SEMA4B: variants seen among roughly 807,000 people sequenced by gnomAD.
SEMA4B encodes the protein semaphorin 4B, also known as semaphorin-4B.
A neutral mutation model predicts 88.1 loss-of-function variants in SEMA4B; 55 were observed. The observed-to-expected ratio is 0.62, with a 90% CI of 0.50 to 0.78. The LOEUF is 0.78. SEMA4B is among the 30% of genes least tolerant of loss of function. The probability of loss-of-function intolerance (pLI) is 0.00; values close to 1 mark genes in which losing one functional copy is unlikely to be tolerated. For synonymous variants in SEMA4B, 525 were observed against 473.6 expected (o/e 1.11, Z -1.41); for missense variants, 1,062 against 1,111.9 (o/e 0.96, Z 0.64).
chr15:90,225,436 G>C, intron 11 of SEMA4B, 39 bp downstream of exon 11: 1 of 1,525,432 alleles, frequency 6.6e-7, no homozygotes, highest in Non-Finnish European at 8.9e-7. Flanking sequence ...GGGTACTTGG[G>C]GGGTGCCCTC....
At chr15:90,205,230 A>G (rs1436951070) in intron 1 of SEMA4B, among the ~76,000 whole-genome samples, 1 of 152,278 alleles carries the variant, frequency 6.6e-6, no homozygotes, top group Non-Finnish European at 1.5e-5. Flanking sequence ...ATTTGGCACA[A>G]ATCAGCTGCT....
intron 7 of SEMA4B, 98 bp from the exon 8 acceptor site, chr15:90,223,461 T>C (rs1961968251): frequency 1.8e-6 from 2 of 1,113,820 alleles, no homozygotes; most frequent in South Asian, 1.8e-5. Flanking sequence ...CCTTCAGTCC[T>C]GGTGTCTGGG....
intron 1 of SEMA4B, among the ~76,000 whole-genome samples, chr15:90,216,839 G>A (rs576259094): frequency 3.0e-4 from 45 of 149,502 alleles, no homozygotes; most frequent in South Asian, 1.1e-3. Context: ...GCGAGACTTC[G>A]TCTCAAAAAA....
Position 90,227,900 on chromosome 15 carries a change from A to G in SEMA4B, c.1775-4A>G. ...CCCCTACCCCATGCCTTTTCTGCCT[A>G]CAGGGGAGAAGCCATGTGAGCAAGT... On this transcript the variant is annotated splice_polypyrimidine_tract_variant and splice_region_variant and intron_variant, in intron 13 of 13. Transcript: ENST00000411539. 6.2e-7 allele frequency: 1 copy of G among 1,610,482 alleles called. No homozygotes were observed. The highest frequency in any genetic ancestry group is 1.1e-5 in the South Asian group (1 of 91,034).
intron 1 of SEMA4B, among the ~76,000 whole-genome samples, chr15:90,191,549 T>C (rs536302505): frequency 6.6e-6 from 1 of 152,160 alleles, no homozygotes; most frequent in Non-Finnish European, 1.5e-5. Flanking sequence ...CCGTCCTAGA[T>C]GAAGAAGCTG....
chr15:90,196,643 C>T (rs1274370839), upstream of SEMA4B, among the ~76,000 whole-genome samples: 5 of 151,982 alleles, frequency 3.3e-5, no homozygotes, highest in East Asian at 3.9e-4. Context: ...CGTGCCACCA[C>T]GCCCAGCTAA....
chr15:90,188,466 A>G (rs954892778), intron 1 of SEMA4B, among the ~76,000 whole-genome samples: 1 of 151,630 alleles, frequency 6.6e-6, no homozygotes, highest in Non-Finnish European at 1.5e-5. Flanking sequence ...TGTCTCTACT[A>G]AAAATACAAA....
intron 4 of SEMA4B, among the ~76,000 whole-genome samples, chr15:90,220,703 G>T (rs1218446195): frequency 6.6e-6 from 1 of 150,720 alleles, no homozygotes; most frequent in African/African-American, 2.4e-5. Flanking sequence ...CACCTCCTCC[G>T]CCAGGTGGGT....
chr15:90,185,557 C>T (rs911822097), intron 1 of SEMA4B, among the ~76,000 whole-genome samples: 2 of 152,150 alleles, frequency 1.3e-5, no homozygotes, highest in Non-Finnish European at 2.9e-5. Flanking sequence ...GCTGCAGTTG[C>T]GGCTACTCGG....
intron 1 of SEMA4B, chr15:90,215,009 G>T: frequency 7.9e-7 from 1 of 1,261,150 alleles, no homozygotes; most frequent in Non-Finnish European, 1.0e-6. Flanking sequence ...GATTGGGCGT[G>T]TTGCACTTTT....
rs376492694 is a variant in SEMA4B, at chr15:90,225,320, C to A, written c.1444C>A (p.Arg482=). ...CCACAAGGCAGTGAGCGTGGGCCCC[C>A]GGGTGCACATCATTGAGGAGCTGCA... ...RLHKAVSVGP[R]VHIIEELQIF... Residue 482 remains arginine (R), a synonymous_variant, in exon 11 of 14, where the codon CGG becomes AGG. Transcript: ENST00000411539. 1.9e-6 allele frequency: 3 copies of A among 1,558,958 alleles called. No homozygotes were observed. The highest frequency in any genetic ancestry group is 1.2e-5 in the South Asian group (1 of 84,644).
intron 1 of SEMA4B, among the ~76,000 whole-genome samples, chr15:90,187,770 G>A (rs542146110): frequency 6.6e-6 from 1 of 152,282 alleles, no homozygotes; most frequent in East Asian, 1.9e-4. Context: ...ATTTTGGGAG[G>A]CCGAGGCAGG....
chr15:90,221,895 C>A, intron 7 of SEMA4B, 130 bp downstream of exon 7: 2 of 742,766 alleles, frequency 2.7e-6, no homozygotes, highest in Non-Finnish European at 4.2e-6. Flanking sequence ...CAGCTTTTCT[C>A]TCTCACCTTT....
At chr15:90,217,201 A>G (rs1278567406) in intron 1 of SEMA4B, 3 of 410,456 alleles carry the variant, frequency 7.3e-6, no homozygotes, top group African/African-American at 6.2e-5. Context: ...ATTAATGTGA[A>G]GGGTGCCGTA....
rs557899782 is a variant in SEMA4B at position 90,217,449 on chromosome 15, G to A, written c.168G>A (p.Glu56=). The A allele has an allele frequency of 2.5e-6, 4 of 1,613,354 alleles. No homozygotes were observed. The highest frequency in any genetic ancestry group is 1.7e-4 in the Middle Eastern group (1 of 6,060). Residue 56 remains glutamate, a synonymous_variant, in exon 2 of 14, where the codon GAG becomes GAA. Coordinates refer to ENST00000411539, the MANE Select transcript of SEMA4B (RefSeq NM_198925.4). ...PRISLPLGSE[E]RPFLRFEAEH... ...TCTTCCTCTCCCCAGGCTCTGAAGAGCGGCCATTCCTCAGATTCGAAGCTG... is the reference window on the plus strand; with the variant it reads ...TCTTCCTCTCCCCAGGCTCTGAAGAACGGCCATTCCTCAGATTCGAAGCTG...
intron 1 of SEMA4B, among the ~76,000 whole-genome samples, chr15:90,204,112 G>T (rs2151596626): frequency 6.6e-6 from 1 of 152,302 alleles, no homozygotes; most frequent in South Asian, 2.1e-4. Flanking sequence ...CATCCCAGGG[G>T]GCTCATTAGA....
intron 7 of SEMA4B, among the ~76,000 whole-genome samples, chr15:90,222,664 G>C (rs765072909): frequency 6.6e-6 from 1 of 152,094 alleles, no homozygotes; most frequent in African/African-American, 2.4e-5. Context: ...AGACCCTGGA[G>C]GCCAACTGCC....
rs979245478 is a variant in SEMA4B at position 90,212,815 on chromosome 15, C to G, written c.158-4624C>G. Among the ~76,000 whole-genome samples, 17 of 152,222 alleles carry G rather than the reference C, an allele frequency of 1.1e-4. No individual in the cohort carries two copies. The highest frequency in any genetic ancestry group is 2.5e-4 in the Non-Finnish European group (17 of 68,042). On this transcript the variant is annotated intron_variant, in intron 1 of 13. Coordinates refer to ENST00000411539, the MANE Select transcript of SEMA4B (RefSeq NM_198925.4). The surrounding 1 kb of genome is among the most constrained non-coding windows in gnomAD (Gnocchi z 4.0). Reference sequence around the variant, plus strand: ...ACACGAGCCTGTGACACGCAAGTCTCTGTTTCTGAGCTGATGCCGTCTGGC... The same window carrying G: ...ACACGAGCCTGTGACACGCAAGTCTGTGTTTCTGAGCTGATGCCGTCTGGC...
chr15:90,201,224 C>A (rs570360329), upstream of SEMA4B: 23 of 789,102 alleles, frequency 2.9e-5, no homozygotes, highest in Non-Finnish European at 3.4e-5. Context: ...GGCAGCGCCC[C>A]GAGCTGCCGC....
Sources: allele counts gnomAD v4.1 joint callset (sites outside exome capture counted in the v4.1 genomes callset), GRCh38; gene constraint gnomAD v4.1.1; non-coding constraint Gnocchi (gnomAD v3.1); transcripts MANE v1.5; gene names NCBI Gene and HGNC (gene_info 2026-07-23, HGNC 2026-07-21).